The following RABGAP1 variants were observed in gnomAD, a reference collection of about 807,000 sequenced individuals.
RABGAP1 encodes RAB GTPase activating protein 1.
A neutral mutation model predicts 137.6 loss-of-function variants in RABGAP1; 23 were observed. The observed-to-expected ratio is 0.17, with a 90% confidence interval of 0.12 to 0.24. The LOEUF (loss-of-function observed/expected upper bound fraction) is 0.24, where lower values mean the gene tolerates loss of function less well. RABGAP1 is among the 10% of genes least tolerant of loss of function. The probability of loss-of-function intolerance (pLI) is 1.00; values close to 1 mark genes in which losing one functional copy is unlikely to be tolerated. For synonymous variants in RABGAP1, 451 were observed against 450.7 expected, an observed-to-expected ratio of 1.00 and a Z score of -0.01; for missense variants, 906 against 1,275.8, an observed-to-expected ratio of 0.71 and a Z score of 4.42.
chr9:122,947,166 G>A (rs1001937501), intron 1 of RABGAP1, among the ~76,000 whole-genome samples: 2 of 152,152 alleles, frequency 1.3e-5, no homozygotes, highest in Non-Finnish European at 2.9e-5. Context: ...TTCAGCCTTA[G>A]GGAAATTGTG....
At chr9:123,022,013 AAC>A (rs1452091173) in intron 13 of RABGAP1, among the ~76,000 whole-genome samples, 4 of 152,242 alleles carry the variant, frequency 2.6e-5, no homozygotes, top group African/African-American at 9.6e-5. Flanking sequence ...TCATAGTATG[AAC>A]AGAGCCACTG....
chr9:122,947,741 A>G (rs1320721642), intron 1 of RABGAP1, among the ~76,000 whole-genome samples: 1 of 152,046 alleles, frequency 6.6e-6, no homozygotes, highest in African/African-American at 2.4e-5. Context: ...GATTGTTTTG[A>G]TTCTTTTGGT....
chr9:122,953,405 C>CTT (rs775177739), intron 1 of RABGAP1, among the ~76,000 whole-genome samples: 33 of 143,272 alleles, frequency 2.3e-4, no homozygotes, highest in Non-Finnish European at 3.2e-4. Context: ...GAACCAGTAT[C>CTT]TTTTTTTTTT....
In RABGAP1 at chr9:123,070,251, A is replaced by G; in HGVS notation, c.1909-99A>G. On this transcript the variant is annotated intron_variant, in intron 14 of 25. Transcript: ENST00000373647. This position sits in a 1 kb window ranked among gnomAD's most constrained non-coding sequence, Gnocchi z 4.4. ...GTCAAAATGCTGTCCCAGTGTGGGT[A>G]GCATCCTCCAGGGTTCTGTATTCAA... 6.4e-7 allele frequency: 1 copy of G among 1,555,544 alleles called. No individual in the cohort carries two copies. Among genetic ancestry groups the G allele is most frequent in the South Asian group, 1.2e-5 (1 of 81,082 alleles).
chr9:123,027,615 A>G (rs2032053680), intron 13 of RABGAP1, among the ~76,000 whole-genome samples: 1 of 152,228 alleles, frequency 6.6e-6, no homozygotes, highest in Non-Finnish European at 1.5e-5. Flanking sequence ...ATACCCAACA[A>G]TAAAAGGAGA....
chr9:122,961,207 T>C (rs1207222065), intron 2 of RABGAP1, among the ~76,000 whole-genome samples: 1 of 151,920 alleles, frequency 6.6e-6, no homozygotes, highest in Non-Finnish European at 1.5e-5. Flanking sequence ...TGCAAAGATA[T>C]CCACAAAGAG....
At chr9:123,100,370 A>T (rs2035304730) in intron 24 of RABGAP1, among the ~76,000 whole-genome samples, 1 of 148,464 alleles carries the variant, frequency 6.7e-6, no homozygotes, top group Non-Finnish European at 1.5e-5. Flanking sequence ...CGTCATAATT[A>T]ATGTTTAACC....
chr9:122,981,707 T>C (rs957749006), intron 2 of RABGAP1, among the ~76,000 whole-genome samples: 2 of 152,200 alleles, frequency 1.3e-5, no homozygotes, highest in Non-Finnish European at 2.9e-5. Context: ...CAGCTTGGTT[T>C]AGACAAAATT....
At chr9:123,067,454 C>G (rs964305526) in intron 14 of RABGAP1, among the ~76,000 whole-genome samples, 4 of 152,202 alleles carry the variant, frequency 2.6e-5, no homozygotes, top group Non-Finnish European at 4.4e-5. Flanking sequence ...ACTTTATAAC[C>G]CATGGAATTA....
chr9:123,057,279 G>T (rs1327760128), intron 13 of RABGAP1, among the ~76,000 whole-genome samples: 3 of 145,958 alleles, frequency 2.1e-5, no homozygotes, highest in Non-Finnish European at 3.0e-5. Context: ...GGGCGGAGGG[G>T]CTCCTCACTT....
At chr9:123,035,838 A>G in intron 13 of RABGAP1, 2 of 475,290 alleles carry the variant, frequency 4.2e-6, no homozygotes, top group Admixed American at 7.6e-5. Flanking sequence ...AAGATCATGA[A>G]GACAAATTGC....
intron 4 of RABGAP1, among the ~76,000 whole-genome samples, chr9:122,986,982 C>G (rs1490997086): frequency 1.3e-5 from 2 of 151,862 alleles, no homozygotes; most frequent in African/African-American, 4.8e-5. Context: ...ACAAAACATA[C>G]AAAAATTAGC....
chr9:122,938,018 C>T (rs1388112135), upstream of RABGAP1: 1 of 152,066 alleles, frequency 6.6e-6, no homozygotes, highest in East Asian at 1.9e-4. Flanking sequence ...AAATTCTAGA[C>T]CTGAAAGATA....
intron 14 of RABGAP1, chr9:123,065,705 C>G (rs1044040245): frequency 2.3e-5 from 10 of 436,032 alleles, no homozygotes; most frequent in Non-Finnish European, 4.2e-5. Flanking sequence ...TGACAGTTCC[C>G]TGGCTCCACA....
chr9:122,953,088 T>C (rs1333511079), intron 1 of RABGAP1, among the ~76,000 whole-genome samples: 1 of 152,242 alleles, frequency 6.6e-6, no homozygotes, highest in African/African-American at 2.4e-5. Context: ...TCCTCAGTAA[T>C]GTGTTTCCCG....
intron 13 of RABGAP1, among the ~76,000 whole-genome samples, chr9:123,036,956 G>T (rs577633173): frequency 6.6e-6 from 1 of 152,242 alleles, no homozygotes; most frequent in Admixed American, 6.5e-5. Flanking sequence ...AGAGCAAGAG[G>T]TTTATTTTTC....
intron 1 of RABGAP1, among the ~76,000 whole-genome samples, chr9:122,945,638 AGTT>A (rs1833908004): frequency 6.6e-6 from 1 of 152,178 alleles, no homozygotes; most frequent in Admixed American, 6.5e-5. Context: ...ATTAATGCAT[AGTT>A]GTTATGTATT....
intron 13 of RABGAP1, among the ~76,000 whole-genome samples, chr9:123,051,643 C>A (rs2033477865): frequency 6.6e-6 from 1 of 152,030 alleles, no homozygotes; most frequent in African/African-American, 2.4e-5. Flanking sequence ...ACTGAGCAGC[C>A]TTCATACAAG....
chr9:123,014,511 CAT>C (rs970114810), intron 11 of RABGAP1, among the ~76,000 whole-genome samples: 4 of 152,024 alleles, frequency 2.6e-5, no homozygotes, highest in Non-Finnish European at 4.4e-5. Context: ...TATTTTATAA[CAT>C]AGATTAGATC....
Sources: gnomAD v4.1 joint callset for allele counts (sites outside exome capture counted in the v4.1 genomes callset) on GRCh38, gnomAD v4.1.1 for gene constraint, Gnocchi (gnomAD v3.1) non-coding constraint, MANE v1.5 for transcripts, NCBI Gene and HGNC (gene_info 2026-07-23, HGNC 2026-07-21) for gene names.